CRAT: variants seen among roughly 807,000 people sequenced by gnomAD.
CRAT encodes carnitine O-acetyltransferase.
Under a neutral mutation model 73.7 loss-of-function variants are expected in CRAT, and 66 were observed. The observed-to-expected ratio is 0.90, with a 90% CI of 0.73 to 1.10. The LOEUF (loss-of-function observed/expected upper bound fraction) is 1.10, where lower values mean the gene tolerates loss of function less well. CRAT is among the 50% of genes least tolerant of loss of function. The probability of loss-of-function intolerance (pLI) is 0.00; values close to 1 mark genes in which losing one functional copy is unlikely to be tolerated. For missense variants in CRAT, 745 were observed against 846.9 expected (o/e 0.88, Z 1.49); for synonymous variants, 321 against 343.2 (o/e 0.94, Z 0.71).
chr9:129,104,826 G>T (rs1320299228), intron 2 of CRAT, among the ~76,000 whole-genome samples: 2 of 150,774 alleles, frequency 1.3e-5, no homozygotes, highest in African/African-American at 2.4e-5. Flanking sequence ...GGATGGTCTC[G>T]ATTTCCTGAC....
At chr9:129,102,370 G>C in intron 5 of CRAT, 30 bp downstream of exon 5, 1 of 1,613,478 alleles carries the variant, frequency 6.2e-7, no homozygotes, top group Non-Finnish European at 8.5e-7. Flanking sequence ...GCAGGGCCGG[G>C]GCTTGTAGGT....
chr9:129,102,880 A>G (rs1353856108), intron 4 of CRAT, 133 bp downstream of exon 4: 45 of 873,764 alleles, frequency 5.2e-5, no homozygotes, highest in Non-Finnish European at 8.0e-5. Context: ...ACCCACCAAG[A>G]GGAGATTCCA....
chr9:129,107,813 C>T lies in CRAT; in HGVS notation c.291+1G>A. ...GTCACAGTGAGGATGCCCTCACTCA[C>T]CCAGTTCTCCGTCTTCCTGGCCCGA... is the stretch of plus-strand genomic sequence containing the variant. On this transcript the variant is annotated splice_donor_variant, in intron 2 of 13. Coordinates refer to ENST00000318080, the MANE Select transcript of CRAT (RefSeq NM_000755.5). LOFTEE classifies it high-confidence loss of function. This position sits in a 1 kb window ranked among gnomAD's most constrained non-coding sequence, Gnocchi z 5.0. 1.2e-6 allele frequency: 2 copies of T among 1,613,218 alleles called. No homozygotes were observed. The highest frequency in any genetic ancestry group is 1.1e-5 in the South Asian group (1 of 91,080).
rs1369468922 is a variant in CRAT, at chr9:129,098,123, A to G, written c.1354T>C (p.Tyr452His). 1.2e-6 allele frequency: 2 copies of G among 1,613,912 alleles called. No individual in the cohort carries two copies. The highest frequency in any genetic ancestry group is 8.5e-7 in the Non-Finnish European group (1 of 1,180,022). ...YRIYGQACAT[Y>H]ESASLRMFHL... ...AACATGCGCAGGGAGGCACTTTCAT[A>G]GGTGGCACATGCCTGTCCGTAGATC... The change falls in exon 11 of 14, where the codon TAT (tyrosine) becomes CAT (histidine). Residue 452 changes from tyrosine (Y) to histidine (H), a missense_variant. By Grantham distance (83) the Tyr-to-His change is moderately conservative. Transcript: ENST00000318080.
rs1318655829 is a variant in CRAT, at chr9:129,095,437, A to G, written c.1841T>C (p.Met614Thr). Residue 614 changes from methionine (M) to threonine (T), a missense_variant, in exon 14 of 14, where the codon ATG becomes ACG. Transcript: ENST00000318080. ...AHYLEKALLD[M>T]RALLQSHPRA... is the part of the protein sequence containing the mutation. ...GGGGTGGCTCTGCAGCAGGGCACGCATGTCCAGGAGCGCCTTCTCCAGGTA... is the reference window on the plus strand; with the variant it reads ...GGGGTGGCTCTGCAGCAGGGCACGCGTGTCCAGGAGCGCCTTCTCCAGGTA... 2 of 1,612,968 alleles carry G rather than the reference A, an allele frequency of 1.2e-6. No individual in the cohort carries two copies. The highest frequency in any genetic ancestry group is 1.1e-5 in the South Asian group (1 of 91,080).
In CRAT at chr9:129,097,307, G is replaced by A; in HGVS notation, c.1470C>T (p.His490=). Residue 490 remains histidine, a synonymous_variant, in exon 12 of 14, where the codon CAC becomes CAT. Transcript: ENST00000318080. The part of the protein sequence containing the change: ...KAMDDSSVTE[H]QKVELLRKAV... ...CCTTCCGCAGCAGCTCCACCTTCTG[G>A]TGCTCCTAGAGTGGTGAGGGTCAGA... 6.4e-7 allele frequency: 1 copy of A among 1,565,964 alleles called. No homozygotes were observed. The highest frequency in any genetic ancestry group is 2.3e-5 in the East Asian group (1 of 43,110).
At position 129,102,466 on chromosome 9, in the gene CRAT, G is replaced by A. The variant is rs1847740014; in HGVS notation, c.564C>T (p.Asp188=). 1.5e-5 allele frequency: 25 copies of A among 1,614,200 alleles called. No individual in the cohort carries two copies. The highest frequency in any genetic ancestry group is 2.0e-5 in the Non-Finnish European group (24 of 1,180,022). ...SSCRVPGPKQ[D]TVSNFSKTKK... ...TGGTCTTGCTGAAGTTGCTGACTGT[G>A]TCCTGCTTGGGGCCCGGCACTCGGC... is the stretch of plus-strand genomic sequence containing the variant. Residue 188 remains aspartate (D), a synonymous_variant, in exon 5 of 14, where the codon GAC becomes GAT. Transcript: ENST00000318080.
intron 1 of CRAT, chr9:129,108,354 A>C (rs977083624): frequency 4.0e-6 from 5 of 1,240,136 alleles, no homozygotes; most frequent in Non-Finnish European, 5.1e-6. Context: ...TTGGGGTGGC[A>C]GAGGTGAGGG....
chr9:129,102,345 G>T (rs1847727602), intron 5 of CRAT, 55 bp downstream of exon 5: 32 of 1,607,080 alleles, frequency 2.0e-5, no homozygotes, highest in Non-Finnish European at 2.7e-5. Flanking sequence ...GCGGCCGTCC[G>T]GCTGTACTCC....
chr9:129,109,850 G>A (rs1480354282), intron 1 of CRAT, among the ~76,000 whole-genome samples: 2 of 151,618 alleles, frequency 1.3e-5, no homozygotes, highest in African/African-American at 2.4e-5. Flanking sequence ...AGGACTGAGG[G>A]GTAGATATAG....
chr9:129,102,931 G>T, intron 4 of CRAT, 82 bp downstream of exon 4: 1 of 1,319,964 alleles, frequency 7.6e-7, no homozygotes, highest in Non-Finnish European at 1.1e-6. Context: ...GGCATGCCGG[G>T]CCAGGGCTGG....
Position 129,095,032 on chromosome 9 carries a change from G to A in CRAT, c.*365C>T, listed in dbSNP as rs1847187955. 2 of 294,230 alleles carry A rather than the reference G, an allele frequency of 6.8e-6. No homozygotes were observed. The highest frequency in any genetic ancestry group is 9.4e-5 in the Admixed American group (2 of 21,190). 18.2% of individuals were successfully genotyped at this position (294,230 alleles called of 1,614,324 possible). A position where few individuals can be genotyped will look rare whatever the true frequency, so the allele number is the denominator to read the frequency against. On this transcript the variant is annotated 3_prime_UTR_variant, in exon 14 of 14. Coordinates refer to ENST00000318080, the MANE Select transcript of CRAT (RefSeq NM_000755.5). ...AGATGGTGGCCTGGTCATGGAGTTG[G>A]CAGGGAGTGGCCGGGGCTGAGCTGG...
chr9:129,110,100 A>C lies in CRAT; in HGVS notation c.27+383T>G, dbSNP rs1400308418. 2.0e-5 allele frequency among the ~76,000 whole-genome samples: 3 copies of C among 152,040 alleles called. No individual in the cohort carries two copies. The highest frequency in any genetic ancestry group is 4.8e-5 in the African/African-American group (2 of 41,364). On this transcript the variant is annotated intron_variant, in intron 1 of 13. Transcript: ENST00000318080. The surrounding 1 kb of genome is among the most constrained non-coding windows in gnomAD (Gnocchi z 5.3). ...GTGACCAACTGGACAGGGTCGGAGG[A>C]GTGGCTCTGGCCTAAGCGTGCGACG...
Position 129,108,075 on chromosome 9 carries a change from C to T in CRAT, c.30G>A (p.Val10=). 6.6e-7 allele frequency: 1 copy of T among 1,512,422 alleles called. No individual in the cohort carries two copies. Among genetic ancestry groups the T allele is most frequent in the Admixed American group, 2.1e-5 (1 of 47,196 alleles). 93.7% of individuals were successfully genotyped at this position (1,512,422 alleles called of 1,614,324 possible). A position where few individuals can be genotyped will look rare whatever the true frequency, so the allele number is the denominator to read the frequency against. Residue 10 remains valine (V), a splice_region_variant and synonymous_variant, in exon 2 of 14, where the codon GTG becomes GTA. Coordinates refer to ENST00000318080, the MANE Select transcript of CRAT (RefSeq NM_000755.5). The part of the protein sequence containing the change: MLAFAARTV[V]KPLGFLKPFS... ...AGGGCTTCAGGAAGCCCAGAGGCTT[C>T]ACCTGCAGGTAGCAGAACATCCTGT...
intron 8 of CRAT, 57 bp from the exon 9 acceptor site, chr9:129,098,707 T>C: frequency 1.3e-6 from 2 of 1,555,172 alleles, no homozygotes; most frequent in Non-Finnish European, 1.7e-6. Context: ...CTGGGTCCAT[T>C]CTGGGACCAG....
rs1848382971 is a variant in CRAT at position 129,110,691 on chromosome 9, G to A, written c.-182C>T. On this transcript the variant is annotated 5_prime_UTR_variant, in exon 1 of 14. Transcript: ENST00000318080. This position sits in a 1 kb window ranked among gnomAD's most constrained non-coding sequence, Gnocchi z 5.3. ...GCCCACCCTCTGGGCCGAGCGGGCT[G>A]CGGGAAGGCACCCGGGGAGGAGGAC... 2.6e-6 allele frequency: 2 copies of A among 780,946 alleles called. No individual in the cohort carries two copies. Among genetic ancestry groups the A allele is most frequent in the Non-Finnish European group, 3.7e-6 (2 of 533,402 alleles). The allele number at this position is 780,946 out of a possible 1,614,324, so 48.4% of individuals were successfully genotyped here.
intron 7 of CRAT, 156 bp downstream of exon 7, chr9:129,100,354 TG>T: frequency 1.1e-6 from 1 of 891,452 alleles, no homozygotes; most frequent in South Asian, 1.8e-5. Flanking sequence ...ACAGGCTGGC[TG>T]CCTGGTAATT....
chr9:129,100,288 G>C lies in CRAT; in HGVS notation c.984+223C>G, dbSNP rs1446548390. On this transcript the variant is annotated intron_variant, in intron 7 of 13. Transcript: ENST00000318080. ...GATCCCAGGTTCTCTGTGAGGTGCT[G>C]AGGGGGTGTGCTGGGGGTGACAGCG... is the stretch of plus-strand genomic sequence containing the variant. 9.9e-6 allele frequency: 6 copies of C among 607,576 alleles called. No individual in the cohort carries two copies. In the African/African-American group the frequency reaches 1.1e-4, roughly 11 times the overall value. The allele number at this position is 607,576 out of a possible 1,614,324, so 37.6% of individuals were successfully genotyped here.
chr9:129,109,407 G>T, intron 1 of CRAT: 1 of 613,926 alleles, frequency 1.6e-6, no homozygotes, highest in Non-Finnish European at 2.5e-6. Flanking sequence ...ATCCCTCTAC[G>T]AACACTCATT....
Sources: allele counts gnomAD v4.1 joint callset (sites outside exome capture counted in the v4.1 genomes callset), GRCh38; gene constraint gnomAD v4.1.1; non-coding constraint Gnocchi (gnomAD v3.1); transcripts MANE v1.5; gene names NCBI Gene and HGNC (gene_info 2026-07-23, HGNC 2026-07-21).